The following PRKCA variants were observed in gnomAD, a reference collection of about 807,000 sequenced individuals.
The protein encoded by PRKCA is protein kinase C alpha type.
A neutral mutation model predicts 87.0 loss-of-function variants in PRKCA; 27 were observed. The ratio of observed to expected loss-of-function variants is 0.31; its 90% CI spans 0.23 to 0.43. The LOEUF is 0.43. Among genes scored for constraint, PRKCA ranks in the 20% least tolerant of loss-of-function variants. The probability of loss-of-function intolerance (pLI) is 1.00; values close to 1 mark genes in which losing one functional copy is unlikely to be tolerated. For missense variants in PRKCA, 518 were observed against 852.3 expected (o/e 0.61, Z 4.88); for synonymous variants, 329 against 311.1 (o/e 1.06, Z -0.61).
intron 13 of PRKCA, among the ~76,000 whole-genome samples, chr17:66,748,444 G>T (rs989370651): frequency 6.6e-6 from 1 of 152,162 alleles, no homozygotes; most frequent in Admixed American, 6.5e-5. Flanking sequence ...ATTAAAGATG[G>T]GAGGAATAAA....
At chr17:66,371,873 C>T (rs545066341) in intron 2 of PRKCA, among the ~76,000 whole-genome samples, 1 of 152,138 alleles carries the variant, frequency 6.6e-6, no homozygotes, top group Admixed American at 6.5e-5. Context: ...TCCGAAACTC[C>T]CTACTTGATG....
chr17:66,361,637 C>A (rs1908399384), intron 2 of PRKCA, among the ~76,000 whole-genome samples: 1 of 152,158 alleles, frequency 6.6e-6, no homozygotes, highest in Admixed American at 6.5e-5. Context: ...TTTCCTCCAA[C>A]AGCGTGGACT....
intron 1 of PRKCA, among the ~76,000 whole-genome samples, chr17:66,303,405 G>C (rs1461234902): frequency 6.6e-6 from 1 of 152,124 alleles, no homozygotes; most frequent in East Asian, 1.9e-4. Flanking sequence ...GGGGGCAAAG[G>C]TTCCCGGAGA....
intron 2 of PRKCA, among the ~76,000 whole-genome samples, chr17:66,395,684 A>C (rs1226463852): frequency 2.6e-5 from 4 of 152,214 alleles, no homozygotes; most frequent in African/African-American, 9.6e-5. Flanking sequence ...CTCATACATC[A>C]AGGTAAATTA....
Position 66,688,303 on chromosome 17 carries a change from A to C in PRKCA, c.688A>C (p.Lys230Gln). 1 of 1,614,082 alleles carries C rather than the reference A, an allele frequency of 6.2e-7. No individual in the cohort carries two copies. The highest frequency in any genetic ancestry group is 8.5e-7 in the Non-Finnish European group (1 of 1,179,998). The change falls in exon 7 of 17, where the codon AAA (lysine) becomes CAA (glutamine). Residue 230 changes from lysine (K) to glutamine (Q), a missense_variant and splice_region_variant. Lys to Gln is a moderately conservative substitution (Grantham distance 53). Around this residue, in one of 5 missense-constraint regions of PRKCA, gnomAD observed 300 missense variants for 496.8 expected, o/e 0.60. Coordinates refer to ENST00000413366, the MANE Select transcript of PRKCA (RefSeq NM_002737.3). ...TTTGCATGTGTGTGTGTCTTGTAGC[A>C]AATTGAAACCTTCAGACAAAGACCG... is the stretch of plus-strand genomic sequence containing the variant. Reference protein sequence around the residue: ...NPQWNESFTFKLKPSDKDRRL... With the variant: ...NPQWNESFTFQLKPSDKDRRL...
intron 16 of PRKCA, among the ~76,000 whole-genome samples, chr17:66,798,920 ATGG>A (rs1975784289): frequency 4.6e-3 from 16 of 3,512 alleles, no homozygotes; most frequent in Admixed American, 5.6e-3. Context: ...GGTGGTGGTG[ATGG>A]TGGTGGTGGT....
intron 7 of PRKCA, 73 bp downstream of exon 7, chr17:66,688,509 AATGTC>A (rs1972690687): frequency 1.3e-6 from 2 of 1,584,150 alleles, no homozygotes; most frequent in Admixed American, 3.4e-5. Flanking sequence ...CAGTCTCTCA[AATGTC>A]AGTTGAGGCT....
At chr17:66,344,544 A>T (rs1242859620) in intron 2 of PRKCA, among the ~76,000 whole-genome samples, 2 of 152,230 alleles carry the variant, frequency 1.3e-5, no homozygotes, top group East Asian at 3.8e-4. Context: ...GTTAGTTGTT[A>T]TTAGCCTATC....
intron 2 of PRKCA, among the ~76,000 whole-genome samples, chr17:66,333,866 A>G (rs926466867): frequency 1.3e-5 from 2 of 152,190 alleles, no homozygotes; most frequent in Non-Finnish European, 2.9e-5. Context: ...TTTTAAAAAA[A>G]TGTGTTTCAC....
chr17:66,374,719 C>CTTTTTTTT (rs35431248), intron 2 of PRKCA, among the ~76,000 whole-genome samples: 7 of 115,818 alleles, frequency 6.0e-5, no homozygotes, highest in Non-Finnish European at 5.1e-5. Context: ...GAGTTGCATT[C>CTTTTTTTT]TTTTTTTTTT....
chr17:66,322,667 T>TC (rs1905750777), intron 2 of PRKCA, among the ~76,000 whole-genome samples: 1 of 125,036 alleles, frequency 8.0e-6, no homozygotes, highest in Admixed American at 8.5e-5. Flanking sequence ...AGAGATGGGG[T>TC]CTTGCTATGT....
At chr17:66,494,257 A>G (rs992475105) in intron 2 of PRKCA, among the ~76,000 whole-genome samples, 1 of 152,246 alleles carries the variant, frequency 6.6e-6, no homozygotes, top group Non-Finnish European at 1.5e-5. Context: ...TTCCTTGTGC[A>G]GAGTCTTAGT....
chr17:66,792,056 G>T lies in PRKCA; in HGVS notation c.1854+3077G>T, dbSNP rs930441467. On this transcript the variant is annotated intron_variant, in intron 16 of 16. Transcript: ENST00000413366. This position sits in a 1 kb window ranked among gnomAD's most constrained non-coding sequence, Gnocchi z 4.5. ...TGTCACACAGCTAGCGACTCTCACC[G>T]TGAGCCCATTTCTGAGTGGCTCTCG... 1.3e-5 allele frequency among the ~76,000 whole-genome samples: 2 copies of T among 152,192 alleles called. No individual in the cohort carries two copies. The highest frequency in any genetic ancestry group is 2.9e-5 in the Non-Finnish European group (2 of 68,028).
At chr17:66,306,301 C>T (rs1904811576) in intron 2 of PRKCA, 174 bp downstream of exon 2, 1 of 429,128 alleles carries the variant, frequency 2.3e-6, no homozygotes, top group African/African-American at 2.1e-5. Context: ...TACTAATCTG[C>T]ATATAGAGCT....
In PRKCA at chr17:66,366,378, G is replaced by A. The variant is rs76600994; in HGVS notation, c.205+60251G>A. 2.2e-3 allele frequency among the ~76,000 whole-genome samples: 342 copies of A among 152,166 alleles called. 1 individual carries two copies. The highest frequency in any genetic ancestry group is 7.8e-3 in the African/African-American group (323 of 41,530). On this transcript the variant is annotated intron_variant, in intron 2 of 16. Transcript: ENST00000413366. Reference sequence around the variant, plus strand: ...TTTATTAATTACTCTGTTTTCCAGCGAGGCTTTTTCATAGGGATATGCACC... The same window carrying A: ...TTTATTAATTACTCTGTTTTCCAGCAAGGCTTTTTCATAGGGATATGCACC...
At chr17:66,370,549 C>CTTTTTTTTTTTTTTTTTT (rs555797425) in intron 2 of PRKCA, among the ~76,000 whole-genome samples, 1 of 113,672 alleles carries the variant, frequency 8.8e-6, no homozygotes, top group African/African-American at 3.5e-5. Flanking sequence ...CTTTTCTTTT[C>CTTTTTTTTTTTTTTTTTT]TTTTTTTTTT....
rs762974963 is a variant in PRKCA at position 66,804,039 on chromosome 17, A to G, written c.*2A>G. The G allele has an allele frequency of 5.6e-6, 9 of 1,598,044 alleles. No individual in the cohort carries two copies. The highest frequency in any genetic ancestry group is 1.1e-5 in the South Asian group (1 of 90,640). On this transcript the variant is annotated 3_prime_UTR_variant, in exon 17 of 17. Coordinates refer to ENST00000413366, the MANE Select transcript of PRKCA (RefSeq NM_002737.3). ...CCCATCTTACAGAGTGCAGTATGAA[A>G]CTCACCAGCGAGAACAAACACCTCC... is the stretch of plus-strand genomic sequence containing the variant.
chr17:66,686,804 G>GA lies in PRKCA; in HGVS notation c.530-307_530-306insA, dbSNP rs540893145. Among the ~76,000 whole-genome samples the GA allele has an allele frequency of 2.8e-4, 42 of 152,270 alleles. No individual in the cohort carries two copies. In the East Asian group the frequency reaches 6.8e-3, roughly 25 times the overall value. On this transcript the variant is annotated intron_variant, in intron 5 of 16. Transcript: ENST00000413366. ...TTAAATTACAGATTCTGCTTTGGCAGGTTTGGGGTGGGACCTGGGTTTCTG... is the reference window on the plus strand; with the variant it reads ...TTAAATTACAGATTCTGCTTTGGCAGAGTTTGGGGTGGGACCTGGGTTTCTG...
At chr17:66,656,710 G>A (rs975800345) in intron 5 of PRKCA, among the ~76,000 whole-genome samples, 6 of 152,112 alleles carry the variant, frequency 3.9e-5, no homozygotes, top group Admixed American at 6.5e-5. Flanking sequence ...TTTGTTTCCC[G>A]GTTCTCCATC....
Sources: allele counts gnomAD v4.1 joint callset (sites outside exome capture counted in the v4.1 genomes callset), GRCh38; gene constraint gnomAD v4.1.1; regional missense constraint gnomAD v4.1.1; non-coding constraint Gnocchi (gnomAD v3.1); transcripts MANE v1.5; gene names NCBI Gene and HGNC (gene_info 2026-07-23, HGNC 2026-07-21).